CR1L: variants seen among roughly 807,000 people sequenced by gnomAD.
CR1L encodes the protein complement component receptor 1-like protein.
A neutral mutation model predicts 62.3 loss-of-function variants in CR1L; 59 were observed. The ratio of observed to expected loss-of-function variants is 0.95; its 90% CI spans 0.77 to 1.18. The LOEUF is 1.18. Ranked by LOEUF, CR1L falls within the 50% of genes most tolerant of loss-of-function variation. The probability of loss-of-function intolerance (pLI) is 0.00; values close to 1 mark genes in which losing one functional copy is unlikely to be tolerated. For synonymous variants in CR1L, 279 were observed against 248.7 expected, an observed-to-expected ratio of 1.12 and a Z score of -1.15; for missense variants, 700 against 702.8, an observed-to-expected ratio of 1.00 and a Z score of 0.04.
chr1:207,652,826 T>C, intron 1 of CR1L: 1 of 483,830 alleles, frequency 2.1e-6, no homozygotes, highest in East Asian at 3.8e-5. Context: ...GAGATGATGA[T>C]TTTTTTTTCT....
chr1:207,669,372 T>A, intron 1 of CR1L: 1 of 998,204 alleles, frequency 1.0e-6, no homozygotes, highest in South Asian at 1.3e-5. Flanking sequence ...GTCACTCCTC[T>A]TTGCACTGCG....
At chr1:207,666,926 GCCCCTC>G in intron 1 of CR1L, among the ~76,000 whole-genome samples, 1 of 152,146 alleles carries the variant, frequency 6.6e-6, no homozygotes, top group South Asian at 2.1e-4. Context: ...AATTTTACAT[GCCCCTC>G]TTCAACAGTC....
At chr1:207,669,392 T>G in intron 1 of CR1L, 2 of 1,048,098 alleles carry the variant, frequency 1.9e-6, no homozygotes, top group Non-Finnish European at 2.9e-6. Context: ...GCTTTTCCTC[T>G]TATTTCAGTT....
chr1:207,664,307 G>A (rs1663475352), intron 1 of CR1L, among the ~76,000 whole-genome samples: 1 of 152,168 alleles, frequency 6.6e-6, no homozygotes, highest in Non-Finnish European at 1.5e-5. Context: ...TAATGAGATT[G>A]TTGAACTCAA....
At chr1:207,684,805 G>C (rs1364668168) in intron 4 of CR1L, among the ~76,000 whole-genome samples, 1 of 152,136 alleles carries the variant, frequency 6.6e-6, no homozygotes, top group African/African-American at 2.4e-5. Flanking sequence ...TGAGGGCCAG[G>C]CTGAGGCTGA....
chr1:207,715,277 C>A, intron 10 of CR1L: 1 of 1,318,700 alleles, frequency 7.6e-7, no homozygotes, highest in Non-Finnish European at 1.1e-6. Context: ...ATGGGAATTG[C>A]TCACACATTT....
At chr1:207,718,020 A>C (rs547144146) in intron 11 of CR1L, among the ~76,000 whole-genome samples, 1 of 152,182 alleles carries the variant, frequency 6.6e-6, no homozygotes, top group South Asian at 2.1e-4. Flanking sequence ...CTTTTATTCT[A>C]CCCCTACTAT....
chr1:207,645,576 C>A lies in CR1L; in HGVS notation c.97+246C>A, dbSNP rs533981720. On this transcript the variant is annotated intron_variant, in intron 1 of 11. Transcript: ENST00000508064. Reference sequence around the variant, plus strand: ...CCGACATTTACGCAGGATCTGGCTGCGTTCCCAAAAGAAGCGTGAATCGTG... The same window carrying A: ...CCGACATTTACGCAGGATCTGGCTGAGTTCCCAAAAGAAGCGTGAATCGTG... Among the ~76,000 whole-genome samples the A allele has an allele frequency of 2.6e-5, 4 of 152,280 alleles. No individual in the cohort carries two copies. In the South Asian group the frequency reaches 8.3e-4, roughly 32 times the overall value.
intron 1 of CR1L, among the ~76,000 whole-genome samples, chr1:207,666,010 C>A (rs895628534): frequency 6.6e-6 from 1 of 152,134 alleles, no homozygotes; most frequent in African/African-American, 2.4e-5. Context: ...AGTTTTCTAC[C>A]TAAAGCATCT....
intron 10 of CR1L, among the ~76,000 whole-genome samples, chr1:207,711,026 CA>C (rs1664349802): frequency 6.6e-6 from 1 of 152,184 alleles, no homozygotes; most frequent in African/African-American, 2.4e-5. Context: ...ACCTATTAAT[CA>C]ATTGTCAGGG....
intron 1 of CR1L, among the ~76,000 whole-genome samples, chr1:207,664,618 G>C (rs944125790): frequency 6.6e-6 from 1 of 152,154 alleles, no homozygotes; most frequent in African/African-American, 2.4e-5. Context: ...TACTAAGTTT[G>C]TTGATACAGT....
At chr1:207,681,850 G>A (rs952244171) in intron 3 of CR1L, among the ~76,000 whole-genome samples, 1 of 152,154 alleles carries the variant, frequency 6.6e-6, no homozygotes, top group Non-Finnish European at 1.5e-5. Context: ...CTCTATTTGT[G>A]TGCATGTGTG....
At chr1:207,671,284 T>G (rs192869638) in intron 1 of CR1L, among the ~76,000 whole-genome samples, 1 of 150,962 alleles carries the variant, frequency 6.6e-6, no homozygotes, top group East Asian at 1.9e-4. Flanking sequence ...CGTGCAAGAC[T>G]GCAGGATCAC....
chr1:207,647,704 C>G (rs931010853), intron 1 of CR1L, among the ~76,000 whole-genome samples: 1 of 152,126 alleles, frequency 6.6e-6, no homozygotes, highest in South Asian at 2.1e-4. Context: ...AAGAGCTATG[C>G]TCAGGATGGT....
chr1:207,683,374 C>A (rs1045556185), intron 3 of CR1L, among the ~76,000 whole-genome samples: 10 of 152,184 alleles, frequency 6.6e-5, no homozygotes, highest in African/African-American at 2.2e-4. Flanking sequence ...TGAGCTCAAG[C>A]AGTCCTCCTA....
At chr1:207,646,581 T>A (rs1444530776) in intron 1 of CR1L, among the ~76,000 whole-genome samples, 1 of 151,708 alleles carries the variant, frequency 6.6e-6, no homozygotes, top group Non-Finnish European at 1.5e-5. Flanking sequence ...CATGGTGGTG[T>A]ATGCCCGTGG....
Position 207,677,465 on chromosome 1 carries a change from G to T in CR1L, c.174G>T (p.Gly58=). The T allele has an allele frequency of 1.2e-6, 2 of 1,613,916 alleles. No individual in the cohort carries two copies. Among genetic ancestry groups the T allele is most frequent in the Admixed American group, 3.3e-5 (2 of 60,006 alleles). Residue 58 remains glycine (G), a synonymous_variant, in exon 2 of 12, where the codon GGG becomes GGT. Coordinates refer to ENST00000508064, the MANE Select transcript of CR1L (RefSeq NM_175710.2). The part of the protein sequence containing the change: ...NLTDDFEFPI[G]TYLNYECRPG... ...CTGATGACTTTGAGTTTCCCATTGG[G>T]ACATATCTGAACTATGAATGCCGCC...
chr1:207,659,693 A>T (rs1052844109), intron 1 of CR1L, among the ~76,000 whole-genome samples: 1 of 152,178 alleles, frequency 6.6e-6, no homozygotes, highest in Non-Finnish European at 1.5e-5. Context: ...GCTGAAGCAG[A>T]GCGGGATGTC....
chr1:207,669,540 G>T, intron 1 of CR1L: 1 of 1,570,304 alleles, frequency 6.4e-7, no homozygotes, highest in Non-Finnish European at 8.6e-7. Flanking sequence ...CGGTCGTGGT[G>T]CTGCTCGCGC....
Sources: allele counts gnomAD v4.1 joint callset (sites outside exome capture counted in the v4.1 genomes callset), GRCh38; gene constraint gnomAD v4.1.1; transcripts MANE v1.5; gene names NCBI Gene and HGNC (gene_info 2026-07-23, HGNC 2026-07-21).